Variants in TUT4 observed in about 807,000 individuals in gnomAD.
The protein encoded by TUT4 is terminal uridylyl transferase 4.
TUT4 carries 36 observed loss-of-function variants against 192.2 expected under a neutral mutation model. The observed-to-expected ratio is 0.19, with a 90% confidence interval of 0.14 to 0.25. The LOEUF (loss-of-function observed/expected upper bound fraction) is 0.25. Among genes scored for constraint, TUT4 ranks in the 10% least tolerant of loss-of-function variants. The pLI, the probability that TUT4 is intolerant of heterozygous loss-of-function variation, is 1.00. For synonymous variants in TUT4, 618 were observed against 666.0 expected (o/e 0.93, Z 1.11); for missense variants, 1,493 against 1,957.2 (o/e 0.76, Z 4.47).
Position 52,461,240 on chromosome 1 carries a change from T to C in TUT4, c.3232-17A>G. On this transcript the variant is annotated splice_polypyrimidine_tract_variant and intron_variant, in intron 18 of 29. Transcript: ENST00000257177. ...ATGTTGAGCCTGAAAAATAATTACA[T>C]ATTTGAAAGGATTTCAAATTTCGTA... 6.3e-7 allele frequency: 1 copy of C among 1,587,718 alleles called. No individual in the cohort carries two copies. The highest frequency in any genetic ancestry group is 8.5e-7 in the Non-Finnish European group (1 of 1,169,648).
intron 12 of TUT4, among the ~76,000 whole-genome samples, chr1:52,477,376 A>T (rs1417299738): frequency 6.6e-6 from 1 of 152,138 alleles, no homozygotes; most frequent in African/African-American, 2.4e-5. Flanking sequence ...GTTCCAGACC[A>T]GCCTGAGCAA....
rs934617120 is a variant in TUT4, at chr1:52,488,926, A to G, written c.1498T>C (p.Phe500Leu). The G allele has an allele frequency of 6.2e-7, 1 of 1,612,336 alleles. No individual in the cohort carries two copies. Among genetic ancestry groups the G allele is most frequent in the Non-Finnish European group, 8.5e-7 (1 of 1,179,336 alleles). ...TCACTTACCTTAGCCCAGTAGCGAA[A>G]GGCTAACACCAAGGGAATAAAGACA... is the stretch of plus-strand genomic sequence containing the variant. ...EPVFIPLVLAFRYWAKLCYID... is the reference protein window; with the variant it reads ...EPVFIPLVLALRYWAKLCYID... The change falls in exon 9 of 30, where the codon TTT becomes CTT. Residue 500 changes from phenylalanine to leucine, a missense_variant. By Grantham distance (22) the Phe-to-Leu change is conservative. Around this residue, in one of 7 missense-constraint regions of TUT4, gnomAD observed 437 missense variants for 577.6 expected, o/e 0.76. Transcript: ENST00000257177.
chr1:52,525,993 G>A lies in TUT4; in HGVS notation c.288C>T (p.Cys96=). ...GTGAATTAGGAAATTTTTTTGCTTT[G>A]CAATGACTTTGATCTCGAAGGACTA... ...LGLVLRDQSH[C]KAKKFPNSPV... The change falls in exon 2 of 30, where the codon TGC becomes TGT. Residue 96 remains cysteine, a synonymous_variant. Coordinates refer to ENST00000257177, the MANE Select transcript of TUT4 (RefSeq NM_001009881.3). 1 of 1,614,066 alleles carries A rather than the reference G, an allele frequency of 6.2e-7. No individual in the cohort carries two copies.
At chr1:52,523,609 C>A (rs1009538758) in intron 2 of TUT4, among the ~76,000 whole-genome samples, 6 of 150,990 alleles carry the variant, frequency 4.0e-5, no homozygotes, top group Non-Finnish European at 3.0e-5. Context: ...CAAAACCAAA[C>A]CAAAACAAAA....
chr1:52,519,562 T>G (rs1473290818), intron 2 of TUT4, among the ~76,000 whole-genome samples: 1 of 151,706 alleles, frequency 6.6e-6, no homozygotes, highest in Non-Finnish European at 1.5e-5. Context: ...CAGACTGGAG[T>G]GCAGTGGTGC....
At chr1:52,435,314 G>T in intron 27 of TUT4, 51 bp downstream of exon 27, 1 of 1,441,142 alleles carries the variant, frequency 6.9e-7, no homozygotes, top group Non-Finnish European at 9.7e-7. Flanking sequence ...ACCCATTAAA[G>T]ATACTGCTAT....
chr1:52,533,172 T>A (rs1343223639), intron 1 of TUT4, among the ~76,000 whole-genome samples: 1 of 152,210 alleles, frequency 6.6e-6, no homozygotes, highest in Non-Finnish European at 1.5e-5. Flanking sequence ...GGCCCCTGAA[T>A]GACCACATGG....
chr1:52,552,242 T>C (rs1185667929), intron 1 of TUT4, among the ~76,000 whole-genome samples: 3 of 152,198 alleles, frequency 2.0e-5, no homozygotes, highest in African/African-American at 7.2e-5. Context: ...GCAATCCAGA[T>C]ACCAACAGGA....
chr1:52,533,587 C>G (rs1684066393), intron 1 of TUT4, among the ~76,000 whole-genome samples: 1 of 152,286 alleles, frequency 6.6e-6, no homozygotes, highest in South Asian at 2.1e-4. Context: ...TTCCCTTACG[C>G]TCTCTCATGC....
At chr1:52,528,200 A>T (rs1682358361) in intron 1 of TUT4, among the ~76,000 whole-genome samples, 2 of 151,288 alleles carry the variant, frequency 1.3e-5, no homozygotes, top group Non-Finnish European at 2.9e-5. Context: ...TAATAATAAT[A>T]ATAATAATGT....
intron 3 of TUT4, among the ~76,000 whole-genome samples, chr1:52,511,249 G>A (rs907039662): frequency 4.6e-5 from 7 of 152,248 alleles, no homozygotes; most frequent in African/African-American, 1.7e-4. Flanking sequence ...AAGAAAAGTT[G>A]GCTCAATCTA....
intron 13 of TUT4, among the ~76,000 whole-genome samples, chr1:52,472,662 T>C (rs967711573): frequency 2.0e-5 from 3 of 151,528 alleles, no homozygotes; most frequent in African/African-American, 7.3e-5. Context: ...ACACTAAAAA[T>C]AAATTAGCTT....
intron 1 of TUT4, among the ~76,000 whole-genome samples, chr1:52,529,589 G>A (rs1438471600): frequency 6.6e-6 from 1 of 151,998 alleles, no homozygotes; most frequent in Non-Finnish European, 1.5e-5. Context: ...TAATTTTGTA[G>A]ATGTCATCTG....
intron 20 of TUT4, among the ~76,000 whole-genome samples, chr1:52,453,297 G>A (rs1405349079): frequency 6.6e-5 from 10 of 151,900 alleles, no homozygotes; most frequent in East Asian, 5.8e-4. Flanking sequence ...CAGGAGAATC[G>A]CTTGAACCCA....
intron 2 of TUT4, among the ~76,000 whole-genome samples, chr1:52,521,201 T>C (rs1680179380): frequency 1.3e-5 from 2 of 152,204 alleles, no homozygotes; most frequent in Admixed American, 6.5e-5. Flanking sequence ...TATATATTCC[T>C]AATGACTAGT....
rs570394648 is a variant in TUT4 at position 52,428,354 on chromosome 1, C to T, written c.4711+2659G>A. Among the ~76,000 whole-genome samples, 44 of 151,934 alleles carry T rather than the reference C, an allele frequency of 2.9e-4. No homozygotes were observed. The South Asian group carries it at 4.8e-3, about 17-fold the overall frequency. On this transcript the variant is annotated intron_variant, in intron 28 of 29. Transcript: ENST00000257177. ...AAAATACAAAAATTAGGGCCAGGCG[C>T]GGTGGCTCACACCTGTAATCCCTGT...
intron 1 of TUT4, among the ~76,000 whole-genome samples, chr1:52,541,920 G>A (rs369958054): frequency 6.6e-6 from 1 of 152,110 alleles, no homozygotes; most frequent in African/African-American, 2.4e-5. Flanking sequence ...CATTATTCAC[G>A]ATAGCCAAAA....
intron 1 of TUT4, among the ~76,000 whole-genome samples, chr1:52,542,500 A>C (rs1183242715): frequency 6.6e-6 from 1 of 152,210 alleles, no homozygotes; most frequent in African/African-American, 2.4e-5. Flanking sequence ...AGATCAATGT[A>C]ACACACATTA....
intron 4 of TUT4, among the ~76,000 whole-genome samples, chr1:52,508,260 G>C (rs1016282008): frequency 6.7e-6 from 1 of 150,242 alleles, no homozygotes; most frequent in Non-Finnish European, 1.5e-5. Context: ...CTGGGAGGCA[G>C]AGGTTACAGT....
Sources: gnomAD v4.1 joint callset for allele counts (sites outside exome capture counted in the v4.1 genomes callset) on GRCh38, gnomAD v4.1.1 for gene constraint, gnomAD v4.1.1 regional missense constraint, MANE v1.5 for transcripts, NCBI Gene and HGNC (gene_info 2026-07-23, HGNC 2026-07-21) for gene names.